Variants in SYNE1 observed in about 807,000 individuals in gnomAD.
SYNE1 encodes the protein nesprin-1.
Under a neutral mutation model 1,111.0 loss-of-function variants are expected in SYNE1, and 616 were observed. That is an observed-to-expected ratio of 0.55 (90% CI 0.52 to 0.59). The LOEUF (loss-of-function observed/expected upper bound fraction) is 0.59. SYNE1 is among the 20% of genes least tolerant of loss of function. The pLI is 0.00. For synonymous variants in SYNE1, 3,855 were observed against 3,825.8 expected (o/e 1.01, Z -0.28); for missense variants, 10,006 against 10,417.0 (o/e 0.96, Z 1.72).
Position 152,461,620 on chromosome 6 carries a change from T to G in SYNE1, c.2371A>C (p.Lys791Gln). ...EGKEMFATMS[K>Q]LKEQLTKVKE... is the part of the protein sequence containing the mutation. Reference sequence around the variant, plus strand: ...ACCTTGGTTAGCTGCTCTTTGAGCTTTGACATGGTCGCAAACATTTCTTTT... The same window carrying G: ...ACCTTGGTTAGCTGCTCTTTGAGCTGTGACATGGTCGCAAACATTTCTTTT... The change falls in exon 21 of 146, where the codon AAG becomes CAG. Residue 791 changes from lysine to glutamine, a missense_variant. Physicochemically the swap from Lys to Gln is moderately conservative, Grantham distance 53. Coordinates refer to ENST00000367255, the MANE Select transcript of SYNE1 (RefSeq NM_182961.4). 1 of 1,614,048 alleles carries G rather than the reference T, an allele frequency of 6.2e-7. No individual in the cohort carries two copies. The highest frequency in any genetic ancestry group is 8.5e-7 in the Non-Finnish European group (1 of 1,179,932).
chr6:152,581,634 C>T (rs1307975702), intron 3 of SYNE1, among the ~76,000 whole-genome samples: 1 of 152,160 alleles, frequency 6.6e-6, no homozygotes, highest in Non-Finnish European at 1.5e-5. Context: ...CCTCAGACCT[C>T]CCTTTCCAGT....
At chr6:152,494,076 C>T (rs918121497) in intron 11 of SYNE1, among the ~76,000 whole-genome samples, 15 of 152,172 alleles carry the variant, frequency 9.9e-5, no homozygotes, top group South Asian at 2.1e-4. Flanking sequence ...CCTTTCTATC[C>T]GAACAACCTG....
chr6:152,259,090 T>C (rs2091491603), intron 101 of SYNE1, among the ~76,000 whole-genome samples: 1 of 152,156 alleles, frequency 6.6e-6, no homozygotes, highest in African/African-American at 2.4e-5. Context: ...CCTTTCAGGC[T>C]GACTACTCAT....
At chr6:152,454,363 G>C (rs1285050569) in intron 24 of SYNE1, among the ~76,000 whole-genome samples, 1 of 152,158 alleles carries the variant, frequency 6.6e-6, no homozygotes, top group Non-Finnish European at 1.5e-5. Context: ...CTCATGATAG[G>C]ATTAGTGCGC....
intron 97 of SYNE1, among the ~76,000 whole-genome samples, chr6:152,280,895 A>G (rs1469511172): frequency 1.3e-5 from 2 of 152,232 alleles, no homozygotes; most frequent in African/African-American, 4.8e-5. Flanking sequence ...TCCGAATGAT[A>G]ATGATCAATA....
At chr6:152,218,511 C>T (rs573327837) in intron 120 of SYNE1, 108 bp from the exon 121 acceptor site, 2 of 1,298,568 alleles carry the variant, frequency 1.5e-6, no homozygotes, top group Middle Eastern at 2.2e-4. Flanking sequence ...TTTTCATATT[C>T]TTGTATCAAA....
chr6:152,562,551 T>C (rs1026529983), intron 3 of SYNE1, among the ~76,000 whole-genome samples: 5 of 152,204 alleles, frequency 3.3e-5, no homozygotes, highest in African/African-American at 1.2e-4. Flanking sequence ...ACTGAGTATA[T>C]ATCCAAAGGA....
intron 3 of SYNE1, among the ~76,000 whole-genome samples, chr6:152,583,384 G>C (rs2099526831): frequency 1.3e-5 from 2 of 152,112 alleles, no homozygotes; most frequent in Admixed American, 6.5e-5. Context: ...ATCATTACTA[G>C]TTGGGCATCA....
rs934553477 is a variant in SYNE1, at chr6:152,528,324, G to C, written c.130-2149C>G. On this transcript the variant is annotated intron_variant, in intron 4 of 145. Transcript: ENST00000367255. Reference sequence around the variant, plus strand: ...TGACTGACTGAATGAATGAATGAATGAATGTAAATATTGTGTGAAGCCAAT... The same window carrying C: ...TGACTGACTGAATGAATGAATGAATCAATGTAAATATTGTGTGAAGCCAAT... Among the ~76,000 whole-genome samples, 4 of 151,802 alleles carry C rather than the reference G, an allele frequency of 2.6e-5. No individual in the cohort carries two copies. In the East Asian group the frequency reaches 7.7e-4, roughly 29 times the overall value.
chr6:152,126,092 A>G (rs1404916524), intron 145 of SYNE1: 1 of 152,174 alleles, frequency 6.6e-6, no homozygotes, highest in African/African-American at 2.4e-5. Context: ...ATTAAAATTT[A>G]ATTTGTGCAT....
intron 10 of SYNE1, among the ~76,000 whole-genome samples, chr6:152,499,743 TA>T (rs1411622515): frequency 1.3e-5 from 2 of 152,102 alleles, no homozygotes; most frequent in African/African-American, 2.4e-5. Context: ...CAAATGCCAC[TA>T]AAAAAGGGCG....
At chr6:152,363,703 A>C (rs2096992076) in intron 63 of SYNE1, 2 of 454,232 alleles carry the variant, frequency 4.4e-6, no homozygotes, top group Non-Finnish European at 8.8e-6. Flanking sequence ...TAGATCTCTT[A>C]GCTTGAAGAC....
At position 152,502,505 on chromosome 6, in the gene SYNE1, G is replaced by A; in HGVS notation, c.888+128C>T. 5.3e-6 allele frequency: 4 copies of A among 760,948 alleles called. No homozygotes were observed. In the South Asian group the frequency reaches 5.9e-5, roughly 11 times the overall value. The allele number at this position is 760,948 out of a possible 1,614,324, so 47.1% of individuals were successfully genotyped here. A position where few individuals can be genotyped will look rare whatever the true frequency, so the allele number is the denominator to read the frequency against. On this transcript the variant is annotated intron_variant, in intron 10 of 145. Transcript: ENST00000367255. ...CTAATCATCACCCCATTTGGTGATA[G>A]CTTTTTAAAATCAGTTGGTCTCATA...
At chr6:152,278,426 G>C in intron 97 of SYNE1, 146 bp from the exon 98 acceptor site, 1 of 815,638 alleles carries the variant, frequency 1.2e-6, no homozygotes, top group Non-Finnish European at 2.1e-6. Context: ...CGGCCTTGAC[G>C]AGTAAGTAGT....
At chr6:152,502,858 A>G in intron 9 of SYNE1, 116 bp from the exon 10 acceptor site, 1 of 799,920 alleles carries the variant, frequency 1.3e-6, no homozygotes, top group East Asian at 2.7e-5. Context: ...GGAAAACAGA[A>G]GTACTATTTA....
At chr6:152,367,162 A>G in intron 62 of SYNE1, 56 bp downstream of exon 62, 2 of 1,611,584 alleles carry the variant, frequency 1.2e-6, no homozygotes, top group Non-Finnish European at 8.5e-7. Flanking sequence ...GAGACGGGAA[A>G]TTTTGAGAAA....
intron 42 of SYNE1, among the ~76,000 whole-genome samples, chr6:152,412,002 C>A (rs2098061879): frequency 6.6e-6 from 1 of 152,138 alleles, no homozygotes; most frequent in South Asian, 2.1e-4. Context: ...CATGCAAAAA[C>A]TTGAATGTGA....
At chr6:152,335,515 T>C (rs2096365784) in intron 76 of SYNE1, 1 of 152,158 alleles carries the variant, frequency 6.6e-6, no homozygotes, top group South Asian at 2.1e-4. Context: ...TTCATGCTTC[T>C]GAGAAAAAAT....
At chr6:152,614,528 G>T (rs987898491) in intron 3 of SYNE1, among the ~76,000 whole-genome samples, 1 of 152,168 alleles carries the variant, frequency 6.6e-6, no homozygotes, top group African/African-American at 2.4e-5. Flanking sequence ...CTTTTACACT[G>T]TTGGTGGGAG....
Sources: allele counts gnomAD v4.1 joint callset (sites outside exome capture counted in the v4.1 genomes callset), GRCh38; gene constraint gnomAD v4.1.1; transcripts MANE v1.5; gene names NCBI Gene and HGNC (gene_info 2026-07-23, HGNC 2026-07-21).